Variants in TNFAIP8 observed in about 807,000 individuals in gnomAD.
The protein encoded by TNFAIP8 is TNF alpha induced protein 8.
Under a neutral mutation model 13.3 loss-of-function variants are expected in TNFAIP8, and 7 were observed. That is an observed-to-expected ratio of 0.52 (90% CI 0.30 to 0.99). TNFAIP8 has a LOEUF of 0.99. Ranked by LOEUF, TNFAIP8 falls within the 50% of genes least tolerant of loss-of-function variation. The pLI is 0.07. For synonymous variants in TNFAIP8, 94 were observed against 87.6 expected (o/e 1.07, Z -0.41); for missense variants, 258 against 236.9 (o/e 1.09, Z -0.58).
Position 119,290,723 on chromosome 5 carries a change from G to C in TNFAIP8, c.1+21816G>C, listed in dbSNP as rs183674599. ...AAGATCTGCATAATAATGGAAAGAA[G>C]TGTTGGGATGCCTCAAAGGAAGGAG... On this transcript the variant is annotated intron_variant, in intron 1 of 1. Transcript: ENST00000274456. 1.3e-4 allele frequency among the ~76,000 whole-genome samples: 20 copies of C among 152,338 alleles called. No homozygotes were observed. The East Asian group carries it at 3.1e-3, about 23-fold the overall frequency.
At chr5:119,312,743 T>TAAAAAAAA (rs1749770592) in intron 1 of TNFAIP8, among the ~76,000 whole-genome samples, 1 of 19,762 alleles carries the variant, frequency 5.1e-5, no homozygotes. Flanking sequence ...CTGCAAAAAA[T>TAAAAAAAA]ACAAAAAAAA....
intron 1 of TNFAIP8, among the ~76,000 whole-genome samples, chr5:119,350,643 G>A (rs1751089054): frequency 6.6e-6 from 1 of 152,202 alleles, no homozygotes; most frequent in Non-Finnish European, 1.5e-5. Context: ...ATGTATTATT[G>A]TCTCTCTGTG....
At chr5:119,366,574 G>A (rs1751864935) in intron 1 of TNFAIP8, among the ~76,000 whole-genome samples, 1 of 152,194 alleles carries the variant, frequency 6.6e-6, no homozygotes, top group African/African-American at 2.4e-5. Context: ...AAAAGCAGTG[G>A]TGTCTGCCTG....
At chr5:119,317,669 G>T (rs1749939419) in intron 1 of TNFAIP8, among the ~76,000 whole-genome samples, 1 of 151,622 alleles carries the variant, frequency 6.6e-6, no homozygotes, top group African/African-American at 2.4e-5. Flanking sequence ...CGCGATTTCG[G>T]CTCACTGCAA....
chr5:119,314,543 T>A (rs1749828407), intron 1 of TNFAIP8, among the ~76,000 whole-genome samples: 1 of 152,244 alleles, frequency 6.6e-6, no homozygotes, highest in Non-Finnish European at 1.5e-5. Context: ...CAAACTTTTC[T>A]TCTAACCTTG....
chr5:119,274,755 A>C (rs979687351), intron 1 of TNFAIP8, among the ~76,000 whole-genome samples: 1 of 152,208 alleles, frequency 6.6e-6, no homozygotes, highest in Non-Finnish European at 1.5e-5. Context: ...CTGCCCAGGT[A>C]GGGTAGTTTG....
chr5:119,350,981 G>GTGTGT (rs1451303882), intron 1 of TNFAIP8, among the ~76,000 whole-genome samples: 1 of 119,978 alleles, frequency 8.3e-6, no homozygotes, highest in African/African-American at 3.7e-5. Context: ...TGTGTGTGTA[G>GTGTGT]AGAGAGGGGT....
In TNFAIP8 at chr5:119,393,232, A is replaced by G. The variant is rs1453668130; in HGVS notation, c.448A>G (p.Lys150Glu). Residue 150 changes from lysine to glutamate, a missense_variant, in exon 2 of 2, where the codon AAG becomes GAG. Physicochemically the swap from Lys to Glu is moderately conservative, Grantham distance 56. Transcript: ENST00000504771. ...HQIIQRHLTA[K>E]SHGRVNNVFD... is the part of the protein sequence containing the mutation. ...AATCATTCAGCGCCACCTCACTGCCAAGTCACATGGACGGGTTAATAATGT... is the reference window on the plus strand; with the variant it reads ...AATCATTCAGCGCCACCTCACTGCCGAGTCACATGGACGGGTTAATAATGT... 2.5e-6 allele frequency: 4 copies of G among 1,613,942 alleles called. No homozygotes were observed. Among genetic ancestry groups the G allele is most frequent in the Non-Finnish European group, 3.4e-6 (4 of 1,179,908 alleles).
chr5:119,300,631 A>G (rs1561990548), intron 1 of TNFAIP8, among the ~76,000 whole-genome samples: 1 of 152,164 alleles, frequency 6.6e-6, no homozygotes, highest in East Asian at 1.9e-4. Flanking sequence ...ATTCTTAAAA[A>G]GGTAGTTTTT....
chr5:119,354,066 G>C (rs1751287873), upstream of TNFAIP8, among the ~76,000 whole-genome samples: 1 of 152,168 alleles, frequency 6.6e-6, no homozygotes, highest in Admixed American at 6.5e-5. Context: ...GGGCAGGACA[G>C]GAAAAGCCAC....
intron 1 of TNFAIP8, among the ~76,000 whole-genome samples, chr5:119,285,190 T>C (rs72786113): frequency 0.083 from 12,657 of 152,198 alleles, 734 homozygotes; most frequent in African/African-American, 0.16. Context: ...AGACTGGGTA[T>C]ATAATATTGC....
At chr5:119,274,492 C>T (rs1417612324) in intron 1 of TNFAIP8, among the ~76,000 whole-genome samples, 1 of 152,222 alleles carries the variant, frequency 6.6e-6, no homozygotes, top group Admixed American at 6.5e-5. Flanking sequence ...CTGCTAGTGA[C>T]TCATGAGGTA....
At chr5:119,294,835 T>G (rs1749116760) in intron 1 of TNFAIP8, among the ~76,000 whole-genome samples, 1 of 152,208 alleles carries the variant, frequency 6.6e-6, no homozygotes, top group Middle Eastern at 3.4e-3. Context: ...TGCATAAATG[T>G]CTTCTTTTGA....
intron 1 of TNFAIP8, among the ~76,000 whole-genome samples, chr5:119,391,036 G>A (rs1465334350): frequency 7.6e-6 from 1 of 130,938 alleles, no homozygotes; most frequent in African/African-American, 2.9e-5. Flanking sequence ...TTGCTATGTT[G>A]CCCAGGCTGG....
At chr5:119,373,323 T>C (rs1246302697) in intron 1 of TNFAIP8, among the ~76,000 whole-genome samples, 1 of 152,242 alleles carries the variant, frequency 6.6e-6, no homozygotes, top group East Asian at 1.9e-4. Context: ...ATTTTCCCTA[T>C]GTTAGGCACT....
chr5:119,388,425 A>T (rs1447687530), intron 1 of TNFAIP8, among the ~76,000 whole-genome samples: 2 of 152,186 alleles, frequency 1.3e-5, no homozygotes, highest in Non-Finnish European at 2.9e-5. Flanking sequence ...ATTGTGGATG[A>T]GATAGGGGAA....
chr5:119,350,857 C>T (rs1751099371), intron 1 of TNFAIP8, among the ~76,000 whole-genome samples: 1 of 152,192 alleles, frequency 6.6e-6, no homozygotes, highest in South Asian at 2.1e-4. Flanking sequence ...CAGCATCTTC[C>T]TCTCACATGG....
chr5:119,292,645 C>CAT (rs56896742), intron 1 of TNFAIP8, among the ~76,000 whole-genome samples: 1,051 of 32,516 alleles, frequency 0.032, 99 homozygotes, highest in South Asian at 0.057. Flanking sequence ...ATCAATGTAG[C>CAT]ATATATATAT....
intron 1 of TNFAIP8, among the ~76,000 whole-genome samples, chr5:119,390,668 A>G (rs913595114): frequency 6.6e-6 from 1 of 152,158 alleles, no homozygotes; most frequent in African/African-American, 2.4e-5. Flanking sequence ...TATTCAATCA[A>G]GACATTCTTT....
Sources: gnomAD v4.1 joint callset for allele counts (sites outside exome capture counted in the v4.1 genomes callset) on GRCh38, gnomAD v4.1.1 for gene constraint, MANE v1.5 for transcripts, NCBI Gene and HGNC (gene_info 2026-07-23, HGNC 2026-07-21) for gene names.